The following CDC42BPG variants were observed in gnomAD, a reference collection of about 807,000 sequenced individuals.
CDC42BPG encodes CDC42 binding protein kinase gamma, also known as serine/threonine-protein kinase MRCK gamma.
In CDC42BPG, 157 loss-of-function variants were observed where a neutral mutation model predicts 192.2. The ratio of observed to expected loss-of-function variants is 0.82; its 90% confidence interval spans 0.72 to 0.93. The LOEUF (loss-of-function observed/expected upper bound fraction) is 0.93, where lower values mean the gene tolerates loss of function less well. CDC42BPG is among the 40% of genes least tolerant of loss of function. The pLI, the probability that CDC42BPG is intolerant of heterozygous loss-of-function variation, is 0.00. For synonymous variants in CDC42BPG, 981 were observed against 918.5 expected (o/e 1.07, Z -1.23); for missense variants, 1,992 against 2,122.1 (o/e 0.94, Z 1.20).
chr11:64,836,702 G>GC (rs763089520), intron 11 of CDC42BPG, 37 bp downstream of exon 11: 20,479 of 480,242 alleles, frequency 0.043, 3,248 homozygotes, highest in Middle Eastern at 0.068. Context: ...GTGGGACTCA[G>GC]CCCTGGGGGG....
chr11:64,841,467 A>C (rs1152632), intron 3 of CDC42BPG, among the ~76,000 whole-genome samples, 183 bp downstream of exon 3: 133 of 151,776 alleles, frequency 8.8e-4, no homozygotes, highest in Non-Finnish European at 1.5e-3. Flanking sequence ...AAAAAAAAAA[A>C]TTTAAAAAAT....
In CDC42BPG at chr11:64,829,769, C is replaced by A. The variant is rs1565673418; in HGVS notation, c.3669G>T (p.Gln1223His). The change falls in exon 30 of 37, where the codon CAG becomes CAT. Residue 1223 changes from glutamine to histidine, a missense_variant. Gln to His is a conservative substitution (Grantham distance 24). Coordinates refer to ENST00000342711, the MANE Select transcript of CDC42BPG (RefSeq NM_017525.3). ...GPWQRRIREL[Q>H]APATVQSLGL... ...CCAGGCTCTGCACAGTGGCAGGTGC[C>A]TGCAGCTCACGGATGCGGCGCTGCC... 6.3e-7 allele frequency: 1 copy of A among 1,598,780 alleles called. No individual in the cohort carries two copies. The highest frequency in any genetic ancestry group is 8.5e-7 in the Non-Finnish European group (1 of 1,174,684).
In CDC42BPG at chr11:64,829,465, C is replaced by A. The variant is rs753122733; in HGVS notation, c.3967+6G>T. The A allele has an allele frequency of 1.2e-6, 2 of 1,612,174 alleles. No homozygotes were observed. On this transcript the variant is annotated splice_donor_region_variant and intron_variant, in intron 30 of 36. Coordinates refer to ENST00000342711, the MANE Select transcript of CDC42BPG (RefSeq NM_017525.3). ...GCCCCCCTGCCAAGCCCTCAGCAGG[C>A]CTTACCCCAGCCCATGGGCGCTGCT...
At chr11:64,831,450 C>T in intron 28 of CDC42BPG, 55 bp downstream of exon 28, 1 of 1,506,894 alleles carries the variant, frequency 6.6e-7, no homozygotes, top group Non-Finnish European at 9.1e-7. Flanking sequence ...TATTCCTAGA[C>T]ACCAGCACTC....
intron 5 of CDC42BPG, among the ~76,000 whole-genome samples, chr11:64,839,916 C>T (rs539182988): frequency 6.6e-6 from 1 of 152,166 alleles, no homozygotes; most frequent in African/African-American, 2.4e-5. Context: ...AAGCTCTGAC[C>T]CCCTCAGCTG....
At chr11:64,832,303 G>A (rs1022227750) in intron 27 of CDC42BPG, 125 bp downstream of exon 27, 20 of 998,058 alleles carry the variant, frequency 2.0e-5, no homozygotes, top group Admixed American at 1.4e-4. Context: ...AGGTGCTCAC[G>A]TGGAAAGCGT....
chr11:64,826,931 G>C, intron 34 of CDC42BPG, 119 bp downstream of exon 34: 1 of 1,162,064 alleles, frequency 8.6e-7, no homozygotes, highest in Middle Eastern at 2.9e-4. Context: ...TAGCAGAAGT[G>C]TGAGTCCCAG....
Position 64,839,140 on chromosome 11 carries a change from A to G in CDC42BPG, c.769T>C (p.Cys257Arg), listed in dbSNP as rs1259577958. 3 of 1,613,530 alleles carry G rather than the reference A, an allele frequency of 1.9e-6. No homozygotes were observed. The highest frequency in any genetic ancestry group is 1.7e-6 in the Non-Finnish European group (2 of 1,180,024). ...CAGACTCCAAGCGACCACCAGTCAC[A>G]CTGTGGGCCGTAGTGGCCCTTGCCC... Reference protein sequence around the residue: ...EEGKGHYGPQCDWWSLGVCAY... With the variant: ...EEGKGHYGPQRDWWSLGVCAY... Residue 257 changes from cysteine (C) to arginine (R), a missense_variant, in exon 7 of 37, where the codon TGT (cysteine) becomes CGT (arginine). By Grantham distance (180) the Cys-to-Arg change is radical. This residue lies in a region of CDC42BPG where 1,656 missense variants were observed against 1,844.3 expected (regional missense o/e 0.90). Coordinates refer to ENST00000342711, the MANE Select transcript of CDC42BPG (RefSeq NM_017525.3).
At position 64,832,946 on chromosome 11, in the gene CDC42BPG, A is replaced by T. The variant is rs1325030087; in HGVS notation, c.2745T>A (p.Phe915Leu). ...QGLGCDACGY[F>L]CHTTCAPQAP... is the part of the protein sequence containing the mutation. ...CCTGTGGGGCACAGGTTGTGTGACAAAAGTAGCCGCAGGCTGTGGGGAAAG... is the reference window on the plus strand; with the variant it reads ...CCTGTGGGGCACAGGTTGTGTGACATAAGTAGCCGCAGGCTGTGGGGAAAG... The change falls in exon 25 of 37, where the codon TTT becomes TTA. Residue 915 changes from phenylalanine to leucine, a missense_variant. Transcript: ENST00000342711. 1 of 1,534,698 alleles carries T rather than the reference A, an allele frequency of 6.5e-7. No individual in the cohort carries two copies. The highest frequency in any genetic ancestry group is 8.8e-7 in the Non-Finnish European group (1 of 1,139,724).
At chr11:64,830,143 C>T (rs774524704) in intron 29 of CDC42BPG, 51 bp downstream of exon 29, 25 of 1,612,582 alleles carry the variant, frequency 1.6e-5, no homozygotes, top group South Asian at 1.3e-4. Context: ...CTCCTCTGCC[C>T]GCTGGGGCTG....
intron 36 of CDC42BPG, 62 bp from the exon 37 acceptor site, chr11:64,824,591 C>G: frequency 8.3e-7 from 1 of 1,199,082 alleles, no homozygotes; most frequent in Non-Finnish European, 1.2e-6. Flanking sequence ...CCTCATAGGG[C>G]TGGTGGGTCC....
rs763885787 is a variant in CDC42BPG at position 64,840,636 on chromosome 11, G to A, written c.349C>T (p.Arg117Trp). Residue 117 changes from arginine (R) to tryptophan (W), a missense_variant, in exon 4 of 37, where the codon CGG becomes TGG. Physicochemically the swap from Arg to Trp is moderately radical, Grantham distance 101. This residue lies in a region of CDC42BPG where 1,656 missense variants were observed against 1,844.3 expected (regional missense o/e 0.90). Transcript: ENST00000342711. ...TTCACGAGCACATCCCGCTCCTCCC[G>A]GAAACAGGCTGTCTGCAGCAGGTTT... ...MLKRAETACF[R>W]EERDVLVKGD... 10 of 1,613,684 alleles carry A rather than the reference G, an allele frequency of 6.2e-6. No individual in the cohort carries two copies. Among genetic ancestry groups the A allele is most frequent in the Non-Finnish European group, 7.6e-6 (9 of 1,180,012 alleles).
In CDC42BPG at chr11:64,834,424, C is replaced by A; in HGVS notation, c.2324+5G>T. ...CTGGCCCCCAGTGCCTGCCCCTAGC[C>A]TCACCGCTCAGCCTGCAGCTGGGCC... is the stretch of plus-strand genomic sequence containing the variant. On this transcript the variant is annotated splice_donor_5th_base_variant and intron_variant, in intron 19 of 36. Coordinates refer to ENST00000342711, the MANE Select transcript of CDC42BPG (RefSeq NM_017525.3). 1.3e-6 allele frequency: 2 copies of A among 1,564,040 alleles called. No homozygotes were observed. The highest frequency in any genetic ancestry group is 1.7e-6 in the Non-Finnish European group (2 of 1,155,764).
intron 18 of CDC42BPG, 68 bp downstream of exon 18, chr11:64,834,781 G>T: frequency 6.8e-7 from 1 of 1,465,954 alleles, no homozygotes. Context: ...TCAGTAGCAG[G>T]GATGCTGAGC....
Position 64,826,524 on chromosome 11 carries a change from G to C in CDC42BPG, c.4545C>G (p.Ser1515Arg). 6.2e-7 allele frequency: 1 copy of C among 1,604,566 alleles called. No individual in the cohort carries two copies. Among genetic ancestry groups the C allele is most frequent in the Middle Eastern group, 1.7e-4 (1 of 6,046 alleles). ...ATCCCTGGGGGCAGGACACAGACTC[G>C]CTGGACAGGGATGTCCAGGGTTTCC... ...MKRKPWTSLS[S>R]ESVSCPQGSL... Residue 1515 changes from serine to arginine, a missense_variant, in exon 36 of 37, where the codon AGC (serine) becomes AGG (arginine). Physicochemically the swap from Ser to Arg is moderately radical, Grantham distance 110. Coordinates refer to ENST00000342711, the MANE Select transcript of CDC42BPG (RefSeq NM_017525.3).
At position 64,836,717 on chromosome 11, in the gene CDC42BPG, G is replaced by GGGGA. The variant is rs1565690117; in HGVS notation, c.1384+21_1384+22insTCCC. ...GTGGGACTCAGCCCTGGGGGGGGGG[G>GGGGA]GGGGGTGGGCGGAAGGGATACCTGG... is the stretch of plus-strand genomic sequence containing the variant. On this transcript the variant is annotated intron_variant, in intron 11 of 36. Transcript: ENST00000342711. 7.0e-6 allele frequency: 6 copies of GGGGA among 858,754 alleles called. 1 individual carries two copies. The South Asian group carries it at 1.0e-4, about 15-fold the overall frequency. 53.2% of individuals were successfully genotyped at this position (858,754 alleles called of 1,614,324 possible). A position where few individuals can be genotyped will look rare whatever the true frequency, so the allele number is the denominator to read the frequency against.
At chr11:64,828,522 C>T (rs577387801) in intron 30 of CDC42BPG, among the ~76,000 whole-genome samples, 2 of 152,322 alleles carry the variant, frequency 1.3e-5, no homozygotes, top group East Asian at 1.9e-4. Flanking sequence ...GCGGGGAGCA[C>T]GAAGGCAATG....
chr11:64,833,186 C>A, intron 24 of CDC42BPG, 45 bp downstream of exon 24: 1 of 1,445,640 alleles, frequency 6.9e-7, no homozygotes, highest in Non-Finnish European at 9.5e-7. Flanking sequence ...GCCAGGGCCA[C>A]ACACCTGGGA....
intron 1 of CDC42BPG, among the ~76,000 whole-genome samples, chr11:64,842,251 G>A (rs765211114): frequency 2.6e-5 from 4 of 152,148 alleles, no homozygotes; most frequent in Admixed American, 1.3e-4. Context: ...GGGACCATGG[G>A]GACACCATTC....
Sources: allele counts gnomAD v4.1 joint callset (sites outside exome capture counted in the v4.1 genomes callset), GRCh38; gene constraint gnomAD v4.1.1; regional missense constraint gnomAD v4.1.1; transcripts MANE v1.5; gene names NCBI Gene and HGNC (gene_info 2026-07-23, HGNC 2026-07-21).